FNDC3B: variants seen among roughly 807,000 people sequenced by gnomAD.
FNDC3B encodes fibronectin type III domain containing 3B.
FNDC3B carries 12 observed loss-of-function variants against 151.5 expected under a neutral mutation model. The observed-to-expected ratio is 0.08, with a 90% CI of 0.05 to 0.13. The LOEUF (loss-of-function observed/expected upper bound fraction) is 0.13, where lower values mean the gene tolerates loss of function less well. Ranked by LOEUF, FNDC3B falls within the 10% of genes least tolerant of loss-of-function variation. The pLI is 1.00. For missense variants in FNDC3B, 1,214 were observed against 1,505.3 expected (o/e 0.81, Z 3.20); for synonymous variants, 528 against 549.0 (o/e 0.96, Z 0.54).
At chr3:172,380,441 A>G (rs1469739884) in intron 24 of FNDC3B, among the ~76,000 whole-genome samples, 6 of 152,158 alleles carry the variant, frequency 3.9e-5, no homozygotes, top group Non-Finnish European at 2.9e-5. Context: ...CTCACATGTC[A>G]CCTGCTCCTC....
chr3:172,122,292 T>TC (rs1436267273), intron 2 of FNDC3B, among the ~76,000 whole-genome samples: 1 of 152,176 alleles, frequency 6.6e-6, no homozygotes, highest in African/African-American at 2.4e-5. Context: ...CTTTTTTTTT[T>TC]TCTCTCTCCT....
intron 1 of FNDC3B, among the ~76,000 whole-genome samples, chr3:172,078,095 C>T (rs1009214710): frequency 6.6e-6 from 1 of 152,190 alleles, no homozygotes; most frequent in African/African-American, 2.4e-5. Context: ...ATTCTCCCGC[C>T]TCAGCCTCCC....
intron 6 of FNDC3B, among the ~76,000 whole-genome samples, chr3:172,256,542 C>G (rs532877697): frequency 6.6e-6 from 1 of 152,152 alleles, no homozygotes; most frequent in East Asian, 1.9e-4. Context: ...CCTTTCACTG[C>G]AGAAGCTAAA....
intron 1 of FNDC3B, among the ~76,000 whole-genome samples, chr3:172,048,102 T>G (rs558104802): frequency 1.3e-5 from 2 of 152,294 alleles, no homozygotes; most frequent in South Asian, 2.1e-4. Flanking sequence ...AAGTTTCTTT[T>G]AAAAGATTTC....
At chr3:172,238,328 G>GT (rs1560033121) in intron 4 of FNDC3B, among the ~76,000 whole-genome samples, 2 of 152,082 alleles carry the variant, frequency 1.3e-5, no homozygotes, top group Non-Finnish European at 2.9e-5. Context: ...GCAAATTTTT[G>GT]TATTTTTTAT....
At chr3:172,307,570 C>T in intron 10 of FNDC3B, 69 bp downstream of exon 10, 1 of 1,503,914 alleles carries the variant, frequency 6.6e-7, no homozygotes, top group Non-Finnish European at 9.2e-7. Context: ...CAACGTGTTC[C>T]TAGTCCCAGC....
intron 5 of FNDC3B, among the ~76,000 whole-genome samples, chr3:172,248,100 T>A (rs572025048): frequency 2.0e-5 from 3 of 152,206 alleles, no homozygotes; most frequent in Non-Finnish European, 4.4e-5. Context: ...AAAGCATGTT[T>A]GTATGTGAGA....
At chr3:172,089,826 G>A (rs907645619) in intron 1 of FNDC3B, among the ~76,000 whole-genome samples, 1 of 152,256 alleles carries the variant, frequency 6.6e-6, no homozygotes, top group East Asian at 1.9e-4. Flanking sequence ...GGTCTGCACC[G>A]TGCCGGCTGC....
intron 2 of FNDC3B, among the ~76,000 whole-genome samples, chr3:172,124,667 T>A (rs1720720719): frequency 6.6e-6 from 1 of 152,270 alleles, no homozygotes; most frequent in South Asian, 2.1e-4. Context: ...AGTGCTACTT[T>A]GGAAGCCTGC....
At chr3:172,280,499 C>T (rs900397150) in intron 6 of FNDC3B, among the ~76,000 whole-genome samples, 9 of 152,188 alleles carry the variant, frequency 5.9e-5, no homozygotes, top group Non-Finnish European at 1.3e-4. Context: ...GTAGCTATGT[C>T]AGCTCCTTGG....
intron 1 of FNDC3B, among the ~76,000 whole-genome samples, chr3:172,091,579 G>A (rs1003481516): frequency 4.6e-5 from 7 of 152,168 alleles, no homozygotes; most frequent in Non-Finnish European, 7.4e-5. Context: ...GTGTATGTGT[G>A]TATGCATGCA....
intron 1 of FNDC3B, among the ~76,000 whole-genome samples, chr3:172,042,125 A>T (rs1405668736): frequency 6.6e-6 from 1 of 152,238 alleles, no homozygotes; most frequent in Admixed American, 6.5e-5. Context: ...AAAGATGCTA[A>T]AACTGCAGGA....
chr3:172,153,180 T>G (rs1399447377), intron 3 of FNDC3B, among the ~76,000 whole-genome samples: 1 of 152,068 alleles, frequency 6.6e-6, no homozygotes, highest in African/African-American at 2.4e-5. Context: ...CTTTTCCAAA[T>G]GTGAATTTGG....
In FNDC3B at chr3:172,112,541, G is replaced by C; in HGVS notation, c.62G>C (p.Gly21Ala). 1 of 1,614,178 alleles carries C rather than the reference G, an allele frequency of 6.2e-7. No homozygotes were observed. Among genetic ancestry groups the C allele is most frequent in the Non-Finnish European group, 8.5e-7 (1 of 1,180,008 alleles). ...IPLELPPLLN[G>A]EVAMMPHLVN... ...CTGGAACTGCCACCATTGCTGAACG[G>C]AGAGGTAGCCATGATGCCCCACTTG... Residue 21 changes from glycine (G) to alanine (A), a missense_variant, in exon 2 of 26, where the codon GGA becomes GCA. Around this residue, in one of 7 missense-constraint regions of FNDC3B, gnomAD observed 113 missense variants for 177.8 expected, o/e 0.64. Transcript: ENST00000415807.
chr3:172,391,327 A>G (rs1735996487), intron 25 of FNDC3B, among the ~76,000 whole-genome samples: 1 of 152,192 alleles, frequency 6.6e-6, no homozygotes, highest in African/African-American at 2.4e-5. Context: ...CCTTTGGAGT[A>G]GTGTTACTAT....
Position 172,139,481 on chromosome 3 carries a change from G to A in FNDC3B, c.187+5935G>A, listed in dbSNP as rs549372161. ...AGGAAGAGGACCTGTTGCAAATGAAGCTTGCTTTCAAAGATTGTAGTGAAT... is the reference window on the plus strand; with the variant it reads ...AGGAAGAGGACCTGTTGCAAATGAAACTTGCTTTCAAAGATTGTAGTGAAT... On this transcript the variant is annotated intron_variant, in intron 3 of 25. Coordinates refer to ENST00000415807, the MANE Select transcript of FNDC3B (RefSeq NM_022763.4). Among the ~76,000 whole-genome samples the A allele has an allele frequency of 2.0e-5, 3 of 152,286 alleles. No homozygotes were observed. In the East Asian group the frequency reaches 5.8e-4, roughly 29 times the overall value.
chr3:172,301,590 GCAGTGGCTCA>G (rs1188775672), intron 9 of FNDC3B: 5 of 152,248 alleles, frequency 3.3e-5, no homozygotes, highest in Admixed American at 6.5e-5. Context: ...TACGCTGAGT[GCAGTGGCTCA>G]CACCTGTAAT....
At chr3:172,231,297 G>T (rs1003954120) in intron 4 of FNDC3B, among the ~76,000 whole-genome samples, 1 of 152,182 alleles carries the variant, frequency 6.6e-6, no homozygotes, top group South Asian at 2.1e-4. Context: ...GCCAGGAGTT[G>T]GGGGGAAGGA....
chr3:172,056,285 C>A (rs1716916265), intron 1 of FNDC3B, among the ~76,000 whole-genome samples: 1 of 151,970 alleles, frequency 6.6e-6, no homozygotes, highest in Admixed American at 6.6e-5. Context: ...TCAGTTTTAG[C>A]CAAGAAATAA....
Sources: gnomAD v4.1 joint callset for allele counts (sites outside exome capture counted in the v4.1 genomes callset) on GRCh38, gnomAD v4.1.1 for gene constraint, gnomAD v4.1.1 regional missense constraint, MANE v1.5 for transcripts, NCBI Gene and HGNC (gene_info 2026-07-23, HGNC 2026-07-21) for gene names.